SSBP2: variants seen among roughly 807,000 people sequenced by gnomAD.
SSBP2 encodes the protein single-stranded DNA-binding protein 2.
A neutral mutation model predicts 61.8 loss-of-function variants in SSBP2; 17 were observed. The observed-to-expected ratio is 0.28, with a 90% CI of 0.19 to 0.41. The LOEUF (loss-of-function observed/expected upper bound fraction) is 0.41. Among genes scored for constraint, SSBP2 ranks in the 10% least tolerant of loss-of-function variants. The probability of loss-of-function intolerance (pLI) is 1.00; values close to 1 mark genes in which losing one functional copy is unlikely to be tolerated. For missense variants in SSBP2, 310 were observed against 458.7 expected (o/e 0.68, Z 2.96); for synonymous variants, 139 against 141.3 (o/e 0.98, Z 0.12).
intron 2 of SSBP2, among the ~76,000 whole-genome samples, chr5:81,644,877 A>G (rs559668302): frequency 5.3e-5 from 8 of 152,332 alleles, no homozygotes; most frequent in African/African-American, 1.9e-4. Flanking sequence ...ATTTTTATAG[A>G]AAGAGTAACA....
Position 81,448,808 on chromosome 5 carries a change from T to G in SSBP2, c.705A>C (p.Ala235=), listed in dbSNP as rs1197054133. 6.2e-7 allele frequency: 1 copy of G among 1,613,276 alleles called. No homozygotes were observed. Among genetic ancestry groups the G allele is most frequent in the Non-Finnish European group, 8.5e-7 (1 of 1,179,636 alleles). The change falls in exon 11 of 17, where the codon GCA becomes GCC. Residue 235 remains alanine, a synonymous_variant. Coordinates refer to ENST00000320672, the MANE Select transcript of SSBP2 (RefSeq NM_012446.5). ...TACTTACTACATAATTCCCAGGAGA[T>G]GCTGAGGAGTATGGTATCTGGAACA...
At chr5:81,594,630 A>G (rs1278092598) in intron 4 of SSBP2, among the ~76,000 whole-genome samples, 3 of 152,240 alleles carry the variant, frequency 2.0e-5, no homozygotes, top group African/African-American at 7.2e-5. Context: ...AACAGAAACT[A>G]TAACAAACTG....
chr5:81,611,851 G>A (rs1485228080), intron 4 of SSBP2, among the ~76,000 whole-genome samples: 2 of 151,646 alleles, frequency 1.3e-5, no homozygotes, highest in Non-Finnish European at 2.9e-5. Context: ...ATTTCTTCAT[G>A]GATTTCAGAA....
At position 81,515,225 on chromosome 5, in the gene SSBP2, T is replaced by C. The variant is rs547576633; in HGVS notation, c.283-1508A>G. On this transcript the variant is annotated intron_variant, in intron 4 of 16. Coordinates refer to ENST00000320672, the MANE Select transcript of SSBP2 (RefSeq NM_012446.5). The stretch of plus-strand genomic sequence containing the variant: ...CTCTTTTAGTTTAAATAAATACGAT[T>C]ACATCCAGATCTAGGAAGAAAGATT... Among the ~76,000 whole-genome samples, 8 of 152,154 alleles carry C rather than the reference T, an allele frequency of 5.3e-5. No individual in the cohort carries two copies. The East Asian group carries it at 7.7e-4, about 15-fold the overall frequency.
chr5:81,547,027 A>C (rs2154124471), intron 4 of SSBP2, among the ~76,000 whole-genome samples: 1 of 110,666 alleles, frequency 9.0e-6, no homozygotes, highest in East Asian at 2.4e-4. Flanking sequence ...GTAAAGGGCA[A>C]ATCTTGGCCA....
At chr5:81,488,992 C>T (rs1766648318) in intron 6 of SSBP2, among the ~76,000 whole-genome samples, 1 of 152,036 alleles carries the variant, frequency 6.6e-6, no homozygotes, top group African/African-American at 2.4e-5. Context: ...GCCATGACCA[C>T]TTAAATCTGT....
At chr5:81,706,427 A>G (rs957225883) in intron 1 of SSBP2, among the ~76,000 whole-genome samples, 12 of 152,216 alleles carry the variant, frequency 7.9e-5, no homozygotes, top group Non-Finnish European at 1.3e-4. Flanking sequence ...AAACCTCAGC[A>G]TCACATAATA....
At chr5:81,704,123 G>C (rs1425946247) in intron 1 of SSBP2, among the ~76,000 whole-genome samples, 1 of 152,168 alleles carries the variant, frequency 6.6e-6, no homozygotes, top group Non-Finnish European at 1.5e-5. Context: ...TACAGGGTTG[G>C]GGATTCTTCT....
chr5:81,742,816 G>T (rs1396215894), intron 1 of SSBP2, among the ~76,000 whole-genome samples: 1 of 152,146 alleles, frequency 6.6e-6, no homozygotes, highest in Admixed American at 6.6e-5. Context: ...GTGTGTGGAA[G>T]TTGCAGAGAG....
chr5:81,430,778 T>C (rs533787181), intron 15 of SSBP2, among the ~76,000 whole-genome samples: 7 of 152,242 alleles, frequency 4.6e-5, no homozygotes, highest in African/African-American at 7.2e-5. Context: ...ACAGGAAGAT[T>C]GAAAGGATAC....
chr5:81,447,817 T>C (rs1005280152), intron 11 of SSBP2: 1 of 152,216 alleles, frequency 6.6e-6, no homozygotes, highest in African/African-American at 2.4e-5. Context: ...CATTAGTGGC[T>C]TTAAGAAAAA....
chr5:81,647,165 A>G (rs912405112), intron 2 of SSBP2, among the ~76,000 whole-genome samples: 4 of 152,106 alleles, frequency 2.6e-5, no homozygotes, highest in Non-Finnish European at 5.9e-5. Context: ...TGTACAAATA[A>G]TATATGTATT....
At chr5:81,578,057 T>C (rs183255990) in intron 4 of SSBP2, among the ~76,000 whole-genome samples, 2 of 152,180 alleles carry the variant, frequency 1.3e-5, no homozygotes, top group East Asian at 3.9e-4. Context: ...AGCTTATAAA[T>C]GGTTCAGCTG....
intron 4 of SSBP2, among the ~76,000 whole-genome samples, chr5:81,520,585 T>C (rs1377758559): frequency 6.6e-6 from 1 of 152,164 alleles, no homozygotes; most frequent in Non-Finnish European, 1.5e-5. Flanking sequence ...GTTTTCCAAT[T>C]GTGGCCAGGT....
At chr5:81,467,306 T>A (rs1189000231) in intron 8 of SSBP2, among the ~76,000 whole-genome samples, 2 of 152,012 alleles carry the variant, frequency 1.3e-5, no homozygotes, top group East Asian at 3.8e-4. Context: ...CAATTATATT[T>A]CAATATATTT....
chr5:81,699,229 T>C (rs1205829529), intron 1 of SSBP2, among the ~76,000 whole-genome samples: 1 of 152,158 alleles, frequency 6.6e-6, no homozygotes, highest in Non-Finnish European at 1.5e-5. Context: ...CTGATCGGGG[T>C]GGCAGTTGCT....
intron 6 of SSBP2, among the ~76,000 whole-genome samples, chr5:81,479,288 GTTCTT>G (rs1201440579): frequency 3.9e-5 from 6 of 151,988 alleles, no homozygotes; most frequent in African/African-American, 9.6e-5. Context: ...GGCATGCATT[GTTCTT>G]TTTTTTGTTT....
intron 16 of SSBP2, among the ~76,000 whole-genome samples, chr5:81,421,486 C>T (rs1761608565): frequency 6.6e-6 from 1 of 152,212 alleles, no homozygotes; most frequent in Non-Finnish European, 1.5e-5. Context: ...AGACCCTGTG[C>T]TCGGCCTGTG....
At chr5:81,505,011 G>A (rs975648940) in intron 5 of SSBP2, among the ~76,000 whole-genome samples, 3 of 152,180 alleles carry the variant, frequency 2.0e-5, no homozygotes, top group African/African-American at 2.4e-5. Flanking sequence ...CAGGACTCTC[G>A]TATTAGTATT....
Sources: allele counts gnomAD v4.1 joint callset (sites outside exome capture counted in the v4.1 genomes callset), GRCh38; gene constraint gnomAD v4.1.1; transcripts MANE v1.5; gene names NCBI Gene and HGNC (gene_info 2026-07-23, HGNC 2026-07-21).